MLLT1: variants seen among roughly 807,000 people sequenced by gnomAD.
The protein encoded by MLLT1 is MLLT1 super elongation complex subunit.
Under a neutral mutation model 55.1 loss-of-function variants are expected in MLLT1, and 11 were observed. The ratio of observed to expected loss-of-function variants is 0.20; its 90% confidence interval spans 0.13 to 0.33. MLLT1 has a LOEUF of 0.33. Ranked by LOEUF, MLLT1 falls within the 10% of genes least tolerant of loss-of-function variation. The pLI is 1.00. For missense variants in MLLT1, 536 were observed against 760.6 expected (o/e 0.70, Z 3.47); for synonymous variants, 323 against 320.1 (o/e 1.01, Z -0.10).
At position 6,270,581 on chromosome 19, in the gene MLLT1, C is replaced by T; in HGVS notation, c.191G>A (p.Arg64His). 1 of 1,610,008 alleles carries T rather than the reference C, an allele frequency of 6.2e-7. No individual in the cohort carries two copies. The highest frequency in any genetic ancestry group is 8.5e-7 in the Non-Finnish European group (1 of 1,177,910). Residue 64 changes from arginine (R) to histidine (H), a missense_variant and splice_region_variant, in exon 2 of 12, where the codon CGC (arginine) becomes CAC (histidine). Physicochemically the swap from Arg to His is conservative, Grantham distance 29. Transcript: ENST00000252674. This position sits in a 1 kb window ranked among gnomAD's most constrained non-coding sequence, Gnocchi z 7.1. ...ACTCAGGGCTTGAGGCCACTCACCG[C>T]GTCTGGGCTTGGGGAAGCTGTCGTG... is the stretch of plus-strand genomic sequence containing the variant. ...WLHDSFPKPR[R>H]VCKEPPYKVE... is the part of the protein sequence containing the mutation.
At chr19:6,244,748 A>AT (rs1044286826) in intron 3 of MLLT1, among the ~76,000 whole-genome samples, 27 of 152,004 alleles carry the variant, frequency 1.8e-4, no homozygotes, top group Admixed American at 1.3e-4. Context: ...AGCTAACCCA[A>AT]TTTTTTTTAA....
intron 5 of MLLT1, among the ~76,000 whole-genome samples, chr19:6,223,999 A>C (rs1487130761): frequency 6.6e-6 from 1 of 152,136 alleles, no homozygotes; most frequent in Non-Finnish European, 1.5e-5. Flanking sequence ...GGGAGCAGTG[A>C]GAGTACCAGG....
In MLLT1 at chr19:6,233,125, C is replaced by G. The variant is rs114700341; in HGVS notation, c.277-2412G>C. Among the ~76,000 whole-genome samples the G allele has an allele frequency of 4.2e-3, 635 of 152,292 alleles. 3 individuals carry two copies. The highest frequency in any genetic ancestry group is 0.013 in the African/African-American group (554 of 41,562). ...GTGAGAGGGGACAGACCAAGGGGCTCGAGGTGCTGCAGAGTGCCGTCTCTC... is the reference window on the plus strand; with the variant it reads ...GTGAGAGGGGACAGACCAAGGGGCTGGAGGTGCTGCAGAGTGCCGTCTCTC... On this transcript the variant is annotated intron_variant, in intron 3 of 11. Transcript: ENST00000252674.
chr19:6,243,762 G>A (rs1600196327), intron 3 of MLLT1, among the ~76,000 whole-genome samples: 1 of 152,154 alleles, frequency 6.6e-6, no homozygotes, highest in African/African-American at 2.4e-5. Context: ...GAAGTCAATC[G>A]GCCGGGCACG....
rs1369368026 is a variant in MLLT1, at chr19:6,235,977, C to A, written c.277-5264G>T. Among the ~76,000 whole-genome samples the A allele has an allele frequency of 6.6e-6, 1 of 152,184 alleles. No homozygotes were observed. Among genetic ancestry groups the A allele is most frequent in the East Asian group, 1.9e-4 (1 of 5,182 alleles). On this transcript the variant is annotated intron_variant, in intron 3 of 11. Transcript: ENST00000252674. The surrounding 1 kb of genome is among the most constrained non-coding windows in gnomAD (Gnocchi z 5.5). ...AGTCCAAAGCATGTCTGTCTTCTGT[C>A]CCAGCATCCCACTGACCCATGAACA...
rs1414819357 is a variant in MLLT1 at position 6,250,211 on chromosome 19, C to T, written c.276+12017G>A. ...GGTGAATCAAAACCACCTACAAATA[C>T]CATTTCACACCCACAGGGATGGCTA... On this transcript the variant is annotated intron_variant, in intron 3 of 11. Coordinates refer to ENST00000252674, the MANE Select transcript of MLLT1 (RefSeq NM_005934.4). Among the ~76,000 whole-genome samples the T allele has an allele frequency of 2.6e-5, 4 of 152,118 alleles. No homozygotes were observed. The East Asian group carries it at 7.7e-4, about 29-fold the overall frequency.
chr19:6,264,555 T>C (rs1029244506), intron 2 of MLLT1, among the ~76,000 whole-genome samples: 2 of 151,178 alleles, frequency 1.3e-5, no homozygotes, highest in Non-Finnish European at 3.0e-5. Context: ...CAAGAGTCAA[T>C]GTCCTCAGAT....
chr19:6,247,273 C>A (rs1289155171), intron 3 of MLLT1, among the ~76,000 whole-genome samples: 2 of 152,136 alleles, frequency 1.3e-5, no homozygotes, highest in Admixed American at 1.3e-4. Flanking sequence ...ACTTAGCTCC[C>A]AGATCTTGGC....
intron 3 of MLLT1, among the ~76,000 whole-genome samples, chr19:6,238,014 AG>A (rs552250007): frequency 2.4e-3 from 366 of 152,342 alleles, no homozygotes; most frequent in Non-Finnish European, 4.5e-3. Context: ...CTGAGGCAGA[AG>A]GATCCCTTAA....
chr19:6,240,396 G>A lies in MLLT1; in HGVS notation c.277-9683C>T, dbSNP rs1335552957. On this transcript the variant is annotated intron_variant, in intron 3 of 11. Coordinates refer to ENST00000252674, the MANE Select transcript of MLLT1 (RefSeq NM_005934.4). The surrounding 1 kb of genome is among the most constrained non-coding windows in gnomAD (Gnocchi z 4.7). Reference sequence around the variant, plus strand: ...GTGGAGCACGCTGCCGCCACTGGAAGGAGCTCGACAGACACAGCAGGTGAC... The same window carrying A: ...GTGGAGCACGCTGCCGCCACTGGAAAGAGCTCGACAGACACAGCAGGTGAC... Among the ~76,000 whole-genome samples the A allele has an allele frequency of 1.3e-5, 2 of 152,234 alleles. No individual in the cohort carries two copies. The highest frequency in any genetic ancestry group is 4.8e-5 in the African/African-American group (2 of 41,464).
Position 6,270,256 on chromosome 19 carries a change from T to C in MLLT1, c.193+323A>G, listed in dbSNP as rs1025336510. Among the ~76,000 whole-genome samples, 22 of 152,178 alleles carry C rather than the reference T, an allele frequency of 1.4e-4. No homozygotes were observed. The highest frequency in any genetic ancestry group is 5.3e-4 in the African/African-American group (22 of 41,446). ...GGCACACAAACAAACATAGGCCCGG[T>C]CGGCAACTTCCTGATCACTCACCAG... On this transcript the variant is annotated intron_variant, in intron 2 of 11. Transcript: ENST00000252674. This position sits in a 1 kb window ranked among gnomAD's most constrained non-coding sequence, Gnocchi z 7.1.
chr19:6,276,733 G>A (rs1480489842), intron 1 of MLLT1, among the ~76,000 whole-genome samples: 1 of 152,052 alleles, frequency 6.6e-6, no homozygotes, highest in Non-Finnish European at 1.5e-5. Flanking sequence ...CAGGGAACTC[G>A]CTCATCCCCC....
chr19:6,229,872 C>A lies in MLLT1; in HGVS notation c.420+698G>T, dbSNP rs1345222535. On this transcript the variant is annotated intron_variant, in intron 4 of 11. Coordinates refer to ENST00000252674, the MANE Select transcript of MLLT1 (RefSeq NM_005934.4). The surrounding 1 kb of genome is among the most constrained non-coding windows in gnomAD (Gnocchi z 5.2). ...ATGACACACCACACACCGCACACGACACACAACACGCCACCCCAGCCCGCT... is the reference window on the plus strand; with the variant it reads ...ATGACACACCACACACCGCACACGAAACACAACACGCCACCCCAGCCCGCT... 6.6e-6 allele frequency among the ~76,000 whole-genome samples: 1 copy of A among 152,124 alleles called. No homozygotes were observed. Among genetic ancestry groups the A allele is most frequent in the Non-Finnish European group, 1.5e-5 (1 of 68,018 alleles).
rs539600993 is a variant in MLLT1, at chr19:6,229,864, G to A, written c.420+706C>T. Among the ~76,000 whole-genome samples the A allele has an allele frequency of 4.3e-4, 65 of 151,326 alleles. No individual in the cohort carries two copies. Among genetic ancestry groups the A allele is most frequent in the African/African-American group, 1.4e-3 (58 of 41,164 alleles). On this transcript the variant is annotated intron_variant, in intron 4 of 11. Transcript: ENST00000252674. This position sits in a 1 kb window ranked among gnomAD's most constrained non-coding sequence, Gnocchi z 5.2. ...ACATACACATGACACACCACACACC[G>A]CACACGACACACAACACGCCACCCC...
intron 3 of MLLT1, among the ~76,000 whole-genome samples, chr19:6,243,740 C>T (rs1178087580): frequency 2.0e-5 from 3 of 152,076 alleles, no homozygotes; most frequent in African/African-American, 7.2e-5. Context: ...TCCTCTCAGC[C>T]TCACATAAGA....
At chr19:6,267,108 ATT>A (rs905699120) in intron 2 of MLLT1, among the ~76,000 whole-genome samples, 1 of 148,846 alleles carries the variant, frequency 6.7e-6, no homozygotes, top group Admixed American at 6.7e-5. Context: ...CTCTAAAAGA[ATT>A]TTTTTTTTTG....
rs547438684 is a variant in MLLT1 at position 6,256,464 on chromosome 19, GA to G, written c.276+5763del. Among the ~76,000 whole-genome samples, 31 of 150,228 alleles carry G rather than the reference GA, an allele frequency of 2.1e-4. No individual in the cohort carries two copies. In the South Asian group the frequency reaches 3.0e-3, roughly 14 times the overall value. ...ATAGAGCAAGACTCTGACAAAAAAA[GA>G]AAAAAAAGGCGGGGCACGGTGGCTC... On this transcript the variant is annotated intron_variant, in intron 3 of 11. Coordinates refer to ENST00000252674, the MANE Select transcript of MLLT1 (RefSeq NM_005934.4). The surrounding 1 kb of genome is among the most constrained non-coding windows in gnomAD (Gnocchi z 4.1).
intron 8 of MLLT1, among the ~76,000 whole-genome samples, chr19:6,216,078 C>G (rs1003911361): frequency 1.3e-5 from 2 of 152,144 alleles, no homozygotes; most frequent in Admixed American, 1.3e-4. Context: ...CTCCCCTCCC[C>G]CCACCTCCAG....
In MLLT1 at chr19:6,226,397, G is replaced by A. The variant is rs2090957377; in HGVS notation, c.546+580C>T. Among the ~76,000 whole-genome samples, 1 of 152,212 alleles carries A rather than the reference G, an allele frequency of 6.6e-6. No homozygotes were observed. The highest frequency in any genetic ancestry group is 2.1e-4 in the South Asian group (1 of 4,832). On this transcript the variant is annotated intron_variant, in intron 5 of 11. Transcript: ENST00000252674. This position sits in a 1 kb window ranked among gnomAD's most constrained non-coding sequence, Gnocchi z 6.3. ...GCTCAGGGATGGTTTAGAGAGAGAA[G>A]CCTCAGAAAGGCCGAGTGCCACCCA...
Sources: allele counts gnomAD v4.1 joint callset (sites outside exome capture counted in the v4.1 genomes callset), GRCh38; gene constraint gnomAD v4.1.1; non-coding constraint Gnocchi (gnomAD v3.1); transcripts MANE v1.5; gene names NCBI Gene and HGNC (gene_info 2026-07-23, HGNC 2026-07-21).